The following ZNF713 variants were observed in gnomAD, a reference collection of about 807,000 sequenced individuals.
The protein encoded by ZNF713 is zinc finger protein 713.
Under a neutral mutation model 28.7 loss-of-function variants are expected in ZNF713, and 21 were observed. The ratio of observed to expected loss-of-function variants is 0.73; its 90% CI spans 0.52 to 1.05. The LOEUF is 1.05. Ranked by LOEUF, ZNF713 falls within the 50% of genes least tolerant of loss-of-function variation. The pLI is 0.00. For missense variants in ZNF713, 458 were observed against 532.4 expected, an observed-to-expected ratio of 0.86 and a Z score of 1.37; for synonymous variants, 167 against 178.0, an observed-to-expected ratio of 0.94 and a Z score of 0.49.
At chr7:55,897,312 G>A (rs1051322077) in intron 1 of ZNF713, among the ~76,000 whole-genome samples, 2 of 151,102 alleles carry the variant, frequency 1.3e-5, no homozygotes, top group Non-Finnish European at 2.9e-5. Context: ...GTGCAGTGGC[G>A]TGATCATGGC....
chr7:55,918,179 C>T (rs1482685908), intron 4 of ZNF713: 7 of 451,754 alleles, frequency 1.5e-5, no homozygotes, highest in Non-Finnish European at 2.7e-5. Flanking sequence ...ACTCTAAACC[C>T]GACCACCTTG....
At chr7:55,909,032 C>T (rs1267461613) in intron 2 of ZNF713, among the ~76,000 whole-genome samples, 1 of 151,642 alleles carries the variant, frequency 6.6e-6, no homozygotes, top group African/African-American at 2.4e-5. Context: ...CCTGTCTCTA[C>T]TAAAAAATAC....
chr7:55,912,306 C>T (rs1785798987), intron 3 of ZNF713, among the ~76,000 whole-genome samples: 1 of 152,154 alleles, frequency 6.6e-6, no homozygotes, highest in East Asian at 1.9e-4. Context: ...GTTGCTCAGA[C>T]CCATGCCAGA....
At chr7:55,892,142 T>A (rs1785391237) in intron 1 of ZNF713, among the ~76,000 whole-genome samples, 1 of 151,558 alleles carries the variant, frequency 6.6e-6, no homozygotes, top group South Asian at 2.1e-4. Flanking sequence ...TAGCTGGGCC[T>A]GGTGGCGGGC....
intron 1 of ZNF713, among the ~76,000 whole-genome samples, chr7:55,888,201 T>A (rs1320381475): frequency 6.6e-6 from 1 of 152,132 alleles, no homozygotes; most frequent in Non-Finnish European, 1.5e-5. Flanking sequence ...TTTTAAAATA[T>A]TTTCTTTTTC....
intron 6 of ZNF713, among the ~76,000 whole-genome samples, chr7:55,925,425 A>T (rs540266215): frequency 2.4e-4 from 37 of 152,232 alleles, no homozygotes; most frequent in African/African-American, 8.7e-4. Flanking sequence ...GATCGAGACC[A>T]TCCTGGCCAA....
At chr7:55,921,261 T>A (rs1785986258) in intron 4 of ZNF713, among the ~76,000 whole-genome samples, 1 of 152,132 alleles carries the variant, frequency 6.6e-6, no homozygotes, top group East Asian at 1.9e-4. Flanking sequence ...CTGATGGAGA[T>A]GTACAAGAAG....
intron 1 of ZNF713, among the ~76,000 whole-genome samples, chr7:55,889,871 T>G (rs563067081): frequency 6.6e-6 from 1 of 152,336 alleles, no homozygotes; most frequent in East Asian, 1.9e-4. Flanking sequence ...GTATGCATCT[T>G]TGGTGACTGT....
chr7:55,892,982 AC>A (rs1785416761), intron 1 of ZNF713, among the ~76,000 whole-genome samples: 2 of 151,170 alleles, frequency 1.3e-5, no homozygotes, highest in South Asian at 4.2e-4. Context: ...TCCCGGGTTC[AC>A]GCCATTCTCT....
chr7:55,932,983 A>G (rs951829063), intron 6 of ZNF713, among the ~76,000 whole-genome samples: 1 of 151,710 alleles, frequency 6.6e-6, no homozygotes, highest in Non-Finnish European at 1.5e-5. Flanking sequence ...CACACCTACA[A>G]TCCCAGCACT....
chr7:55,910,907 A>C (rs920331887), intron 2 of ZNF713, among the ~76,000 whole-genome samples: 10 of 152,218 alleles, frequency 6.6e-5, no homozygotes, highest in Admixed American at 4.6e-4. Context: ...TTCTTTCTGC[A>C]GACAACTGGC....
chr7:55,897,818 A>G (rs1447897196), intron 1 of ZNF713, among the ~76,000 whole-genome samples: 8 of 152,202 alleles, frequency 5.3e-5, no homozygotes, highest in Non-Finnish European at 1.0e-4. Context: ...ACATATTGAC[A>G]TTGTATAGAG....
intron 2 of ZNF713, among the ~76,000 whole-genome samples, chr7:55,910,527 ACT>A (rs1163249511): frequency 6.6e-6 from 1 of 151,744 alleles, no homozygotes; most frequent in Non-Finnish European, 1.5e-5. Flanking sequence ...ACAGGGTCTT[ACT>A]CTGTCACCCA....
chr7:55,918,066 T>C (rs772082572), intron 4 of ZNF713: 6 of 456,592 alleles, frequency 1.3e-5, no homozygotes, highest in Admixed American at 2.4e-5. Context: ...GTGCTCTCCA[T>C]TGGATCTCGG....
intron 6 of ZNF713, among the ~76,000 whole-genome samples, chr7:55,925,974 C>G (rs998416427): frequency 6.6e-6 from 1 of 152,140 alleles, no homozygotes; most frequent in South Asian, 2.1e-4. Flanking sequence ...TATTGTGTCC[C>G]TCTACACAGA....
chr7:55,923,309 A>T (rs771826746), intron 5 of ZNF713, 21 bp downstream of exon 5: 11 of 1,593,962 alleles, frequency 6.9e-6, no homozygotes, highest in Non-Finnish European at 9.4e-6. Context: ...CATCCCTGTG[A>T]AACCGGAAGC....
chr7:55,903,788 G>A (rs1785623710), intron 1 of ZNF713, among the ~76,000 whole-genome samples: 1 of 152,064 alleles, frequency 6.6e-6, no homozygotes, highest in Non-Finnish European at 1.5e-5. Context: ...CATGGGGGTG[G>A]ATGGAGGGCA....
chr7:55,890,703 T>A (rs1785365798), intron 1 of ZNF713, among the ~76,000 whole-genome samples: 1 of 152,012 alleles, frequency 6.6e-6, no homozygotes, highest in African/African-American at 2.4e-5. Flanking sequence ...TATCCTGGTA[T>A]CACAGATACA....
At chr7:55,888,620 T>C (rs571717752) in intron 1 of ZNF713, among the ~76,000 whole-genome samples, 1 of 152,008 alleles carries the variant, frequency 6.6e-6, no homozygotes, top group Non-Finnish European at 1.5e-5. Context: ...GCGCAAGTGA[T>C]CCTCCCGCCT....
Sources: allele counts gnomAD v4.1 joint callset (sites outside exome capture counted in the v4.1 genomes callset), GRCh38; gene constraint gnomAD v4.1.1; transcripts MANE v1.5; gene names NCBI Gene and HGNC (gene_info 2026-07-23, HGNC 2026-07-21).